Variants in COL19A1 observed in about 807,000 individuals in gnomAD.
The protein encoded by COL19A1 is collagen alpha-1(XIX) chain.
In COL19A1, 159 loss-of-function variants were observed where a neutral mutation model predicts 190.2. The observed-to-expected ratio is 0.84, with a 90% CI of 0.73 to 0.95. The LOEUF (loss-of-function observed/expected upper bound fraction) is 0.95. Ranked by LOEUF, COL19A1 falls within the 40% of genes least tolerant of loss-of-function variation. COL19A1 has a pLI of 0.00. For missense variants in COL19A1, 1,418 were observed against 1,431.9 expected, an observed-to-expected ratio of 0.99 and a Z score of 0.16; for synonymous variants, 509 against 458.9, an observed-to-expected ratio of 1.11 and a Z score of -1.39.
At position 70,033,501 on chromosome 6, in the gene COL19A1, A is replaced by G. The variant is rs3805990; in HGVS notation, c.1081-744A>G. Among the ~76,000 whole-genome samples, 26 of 152,172 alleles carry G rather than the reference A, an allele frequency of 1.7e-4. No homozygotes were observed. The East Asian group carries it at 4.8e-3, about 28-fold the overall frequency. ...TGTGTCTATCTAACTTTCTACGTACACTGTGAATTCATGCAGCTGTAGAGC... is the reference window on the plus strand; with the variant it reads ...TGTGTCTATCTAACTTTCTACGTACGCTGTGAATTCATGCAGCTGTAGAGC... On this transcript the variant is annotated intron_variant, in intron 12 of 50. Coordinates refer to ENST00000620364, the MANE Select transcript of COL19A1 (RefSeq NM_001858.6).
intron 40 of COL19A1, 131 bp from the exon 41 acceptor site, chr6:70,171,833 T>C: frequency 1.4e-6 from 1 of 721,572 alleles, no homozygotes. Flanking sequence ...ATAGGGCATA[T>C]CATTTCCTTG....
At chr6:70,120,144 C>A (rs146814820) in intron 16 of COL19A1, among the ~76,000 whole-genome samples, 173 of 152,242 alleles carry the variant, frequency 1.1e-3, no homozygotes, top group Non-Finnish European at 1.7e-3. Flanking sequence ...TTCTGCTACT[C>A]TATTTGGGAG....
chr6:70,084,954 C>A (rs946934973), intron 15 of COL19A1, among the ~76,000 whole-genome samples: 1 of 152,130 alleles, frequency 6.6e-6, no homozygotes, highest in Admixed American at 6.5e-5. Context: ...ACTACTTAGC[C>A]TCTCTGAGTC....
chr6:69,877,077 T>C (rs1019233397), intron 1 of COL19A1, among the ~76,000 whole-genome samples: 1 of 152,200 alleles, frequency 6.6e-6, no homozygotes, highest in Non-Finnish European at 1.5e-5. Flanking sequence ...TTCCAGAGTG[T>C]CTACTGATAG....
chr6:70,122,818 T>C (rs1304901715), intron 17 of COL19A1, among the ~76,000 whole-genome samples: 1 of 152,168 alleles, frequency 6.6e-6, no homozygotes, highest in African/African-American at 2.4e-5. Context: ...ACTAGCTAAT[T>C]ATAAAATCCC....
intron 12 of COL19A1, among the ~76,000 whole-genome samples, chr6:70,024,722 T>G (rs536186547): frequency 6.6e-6 from 1 of 152,150 alleles, no homozygotes; most frequent in African/African-American, 2.4e-5. Context: ...TGTTTCACCA[T>G]CATTCTTATT....
intron 11 of COL19A1, among the ~76,000 whole-genome samples, chr6:69,985,532 A>G (rs997917328): frequency 6.6e-6 from 1 of 152,170 alleles, no homozygotes. Flanking sequence ...CAAGAGTGGA[A>G]AGTAGAGACA....
At chr6:70,159,383 C>A (rs182638606) in intron 34 of COL19A1, among the ~76,000 whole-genome samples, 1 of 151,794 alleles carries the variant, frequency 6.6e-6, no homozygotes, top group Admixed American at 6.6e-5. Context: ...ATATGTAGAG[C>A]CTGCACATGC....
intron 12 of COL19A1, among the ~76,000 whole-genome samples, chr6:70,032,984 T>C (rs1307566877): frequency 1.3e-5 from 2 of 152,154 alleles, no homozygotes; most frequent in Non-Finnish European, 2.9e-5. Context: ...AATAAGACAA[T>C]ACTGTATCAC....
chr6:70,137,740 G>A lies in COL19A1; in HGVS notation c.1439G>A (p.Gly480Glu), dbSNP rs914205322. ...TCTGTTGGCCCTAAAGGACAAAAAG[G>A]AGAACCTGTAAGTATTTTAGCTTTG... is the stretch of plus-strand genomic sequence containing the variant. ...PGSVGPKGQK[G>E]EPGEPFTKGE... Residue 480 changes from glycine (G) to glutamate (E), a missense_variant, in exon 19 of 51, where the codon GGA becomes GAA. Transcript: ENST00000620364. 1.9e-6 allele frequency: 3 copies of A among 1,613,026 alleles called. No individual in the cohort carries two copies. The African/African-American group carries it at 4.0e-5, about 22-fold the overall frequency.
rs1376673997 is a variant in COL19A1, at chr6:70,171,954, T to C, written c.2569-10T>C. On this transcript the variant is annotated splice_polypyrimidine_tract_variant and intron_variant, in intron 40 of 50. Coordinates refer to ENST00000620364, the MANE Select transcript of COL19A1 (RefSeq NM_001858.6). ...ATTGCTCCTGCATTTCTTATGTTCATATTTAACAGGGAGAGCCTGGTGCAA... is the reference window on the plus strand; with the variant it reads ...ATTGCTCCTGCATTTCTTATGTTCACATTTAACAGGGAGAGCCTGGTGCAA... The C allele has an allele frequency of 6.2e-7, 1 of 1,612,344 alleles. No homozygotes were observed. The highest frequency in any genetic ancestry group is 1.7e-5 in the Admixed American group (1 of 59,844).
chr6:69,972,377 C>A (rs908426782), intron 11 of COL19A1, among the ~76,000 whole-genome samples: 4 of 152,148 alleles, frequency 2.6e-5, no homozygotes, highest in African/African-American at 7.2e-5. Flanking sequence ...AGAGTAGAAG[C>A]TTCAAGAAAA....
At chr6:69,873,781 A>T (rs1208663094) in intron 1 of COL19A1, among the ~76,000 whole-genome samples, 1 of 152,200 alleles carries the variant, frequency 6.6e-6, no homozygotes, top group Admixed American at 6.5e-5. Context: ...TTTGGGCAAC[A>T]CATTCAAATC....
intron 14 of COL19A1, among the ~76,000 whole-genome samples, chr6:70,066,252 T>C (rs1175531419): frequency 6.6e-6 from 1 of 152,160 alleles, no homozygotes; most frequent in Non-Finnish European, 1.5e-5. Context: ...ATATACACCA[T>C]GGAATACTAT....
chr6:69,936,702 C>T (rs1025736494), intron 7 of COL19A1, 83 bp from the exon 8 acceptor site: 2 of 1,541,034 alleles, frequency 1.3e-6, no homozygotes, highest in Non-Finnish European at 8.8e-7. Context: ...CTCAGCAATC[C>T]CTAGTTTAGT....
chr6:70,149,972 A>T lies in COL19A1; in HGVS notation c.1984-20A>T. The T allele has an allele frequency of 1.9e-6, 3 of 1,613,702 alleles. No homozygotes were observed. Among genetic ancestry groups the T allele is most frequent in the Non-Finnish European group, 1.7e-6 (2 of 1,179,790 alleles). ...CCTGTGCCACGTGCAAAGATTGAACATGGATACCTCTGTTTTCAGGGAGTT... is the reference window on the plus strand; with the variant it reads ...CCTGTGCCACGTGCAAAGATTGAACTTGGATACCTCTGTTTTCAGGGAGTT... On this transcript the variant is annotated intron_variant, in intron 29 of 50. Transcript: ENST00000620364.
At chr6:70,148,583 G>A (rs1786825878) in intron 27 of COL19A1, among the ~76,000 whole-genome samples, 1 of 152,180 alleles carries the variant, frequency 6.6e-6, no homozygotes, top group African/African-American at 2.4e-5. Context: ...GGGCAAGAAT[G>A]TAAAAGAACA....
intron 11 of COL19A1, chr6:69,974,121 C>G (rs2150057990): frequency 6.6e-6 from 1 of 152,274 alleles, no homozygotes; most frequent in Middle Eastern, 3.4e-3. Context: ...TCCTTACAAT[C>G]TCCTTTAAGA....
At chr6:69,960,098 T>A in intron 10 of COL19A1, 58 bp downstream of exon 10, 1 of 1,487,840 alleles carries the variant, frequency 6.7e-7, no homozygotes, top group Non-Finnish European at 9.3e-7. Context: ...TAAAAATAAA[T>A]TTGCACATAA....
Sources: allele counts gnomAD v4.1 joint callset (sites outside exome capture counted in the v4.1 genomes callset), GRCh38; gene constraint gnomAD v4.1.1; transcripts MANE v1.5; gene names NCBI Gene and HGNC (gene_info 2026-07-23, HGNC 2026-07-21).